Variants in WDTC1 observed in about 807,000 individuals in gnomAD.
WDTC1 encodes WD and tetratricopeptide repeats protein 1.
In WDTC1, 12 loss-of-function variants were observed where a neutral mutation model predicts 76.0. That is an observed-to-expected ratio of 0.16 (90% confidence interval 0.10 to 0.26). The LOEUF (loss-of-function observed/expected upper bound fraction) is 0.26. WDTC1 is among the 10% of genes least tolerant of loss of function. The pLI is 1.00. For synonymous variants in WDTC1, 326 were observed against 350.8 expected, an observed-to-expected ratio of 0.93 and a Z score of 0.79; for missense variants, 511 against 908.8, an observed-to-expected ratio of 0.56 and a Z score of 5.63.
At chr1:27,243,946 T>C (rs2011718425) in intron 1 of WDTC1, among the ~76,000 whole-genome samples, 1 of 115,284 alleles carries the variant, frequency 8.7e-6, no homozygotes, top group Admixed American at 1.0e-4. Flanking sequence ...GGCAGCATGG[T>C]GAAACCCCAT....
chr1:27,266,354 C>T (rs1174041114), intron 3 of WDTC1, among the ~76,000 whole-genome samples: 1 of 152,084 alleles, frequency 6.6e-6, no homozygotes, highest in East Asian at 1.9e-4. Context: ...TTTCCTCTTT[C>T]CTGGTTTGGA....
intron 1 of WDTC1, among the ~76,000 whole-genome samples, chr1:27,251,819 T>C (rs993419485): frequency 6.6e-6 from 1 of 151,890 alleles, no homozygotes; most frequent in Non-Finnish European, 1.5e-5. Flanking sequence ...AGACCCTGTC[T>C]CTATTAAACA....
At chr1:27,257,952 G>A (rs2012337275) in intron 1 of WDTC1, among the ~76,000 whole-genome samples, 1 of 151,958 alleles carries the variant, frequency 6.6e-6, no homozygotes, top group African/African-American at 2.4e-5. Flanking sequence ...CACCACACCT[G>A]GCTAATTTTT....
chr1:27,258,091 CTTGTCTTT>C (rs1181877477), intron 1 of WDTC1, among the ~76,000 whole-genome samples: 79 of 150,314 alleles, frequency 5.3e-4, no homozygotes, highest in Middle Eastern at 3.4e-3. Context: ...CCTGGCGGTT[CTTGTCTTT>C]TAAAGAGCTT....
At chr1:27,267,575 G>A (rs988090072) in intron 3 of WDTC1, among the ~76,000 whole-genome samples, 11 of 151,988 alleles carry the variant, frequency 7.2e-5, no homozygotes, top group African/African-American at 2.4e-4. Context: ...TCCCAGCTAT[G>A]TAATCCAGTT....
chr1:27,253,807 A>C (rs1300520167), intron 1 of WDTC1, among the ~76,000 whole-genome samples: 1 of 152,170 alleles, frequency 6.6e-6, no homozygotes, highest in African/African-American at 2.4e-5. Context: ...CCCTTGATGT[A>C]GTCTTTTCTA....
chr1:27,241,238 A>G (rs56004188), intron 1 of WDTC1, among the ~76,000 whole-genome samples: 3,291 of 152,280 alleles, frequency 0.022, 44 homozygotes, highest in Non-Finnish European at 0.033. Context: ...GGGAGGTATT[A>G]ACCCCATTTT....
chr1:27,303,522 T>C lies in WDTC1; in HGVS notation c.1469-99T>C, dbSNP rs1230380082. On this transcript the variant is annotated intron_variant, in intron 13 of 15. Coordinates refer to ENST00000319394, the MANE Select transcript of WDTC1 (RefSeq NM_001276252.2). The surrounding 1 kb of genome is among the most constrained non-coding windows in gnomAD (Gnocchi z 4.8). ...AAGGGTGGAGGCAGGTAGCTCTATG[T>C]TGTCAGACTTTGGACTGAAAACAGA... is the stretch of plus-strand genomic sequence containing the variant. 9 of 1,433,822 alleles carry C rather than the reference T, an allele frequency of 6.3e-6. No homozygotes were observed. The highest frequency in any genetic ancestry group is 7.4e-6 in the Non-Finnish European group (8 of 1,081,320). 88.8% of individuals were successfully genotyped at this position (1,433,822 alleles called of 1,614,324 possible).
At chr1:27,257,123 A>G (rs1294614929) in intron 1 of WDTC1, among the ~76,000 whole-genome samples, 1 of 152,126 alleles carries the variant, frequency 6.6e-6, no homozygotes, top group African/African-American at 2.4e-5. Flanking sequence ...CGGCCTCCCA[A>G]AGCGCTGGGA....
Position 27,274,998 on chromosome 1 carries a change from A to C in WDTC1, c.133-7241A>C, listed in dbSNP as rs2012981712. The stretch of plus-strand genomic sequence containing the variant: ...GATTTAAAAGATTTATATCAGGCTT[A>C]TCTGGCTGCAGAGTTCATATCCTTT... On this transcript the variant is annotated intron_variant, in intron 3 of 15. Coordinates refer to ENST00000319394, the MANE Select transcript of WDTC1 (RefSeq NM_001276252.2). The surrounding 1 kb of genome is among the most constrained non-coding windows in gnomAD (Gnocchi z 4.2). Among the ~76,000 whole-genome samples, 1 of 152,368 alleles carries C rather than the reference A, an allele frequency of 6.6e-6. No individual in the cohort carries two copies. The highest frequency in any genetic ancestry group is 6.5e-5 in the Admixed American group (1 of 15,300).
At position 27,296,420 on chromosome 1, in the gene WDTC1, T is replaced by C. The variant is rs1320547863; in HGVS notation, c.949+19T>C. 6.2e-7 allele frequency: 1 copy of C among 1,613,448 alleles called. No individual in the cohort carries two copies. The highest frequency in any genetic ancestry group is 1.3e-5 in the African/African-American group (1 of 74,868). The stretch of plus-strand genomic sequence containing the variant: ...TCGGGGGGTAAGTTCTCCCTTAGGG[T>C]ATCTCTACTGCGGCGGTGTAGGGGA... On this transcript the variant is annotated intron_variant, in intron 10 of 15. Transcript: ENST00000319394.
At chr1:27,278,654 T>C (rs1298719575) in intron 3 of WDTC1, among the ~76,000 whole-genome samples, 1 of 152,230 alleles carries the variant, frequency 6.6e-6, no homozygotes, top group Non-Finnish European at 1.5e-5. Flanking sequence ...TCATTCTGTT[T>C]CTTTGGCATT....
Position 27,306,145 on chromosome 1 carries a change from C to G in WDTC1, c.1837-41C>G, listed in dbSNP as rs2013948335. On this transcript the variant is annotated intron_variant, in intron 15 of 15. Transcript: ENST00000319394. The surrounding 1 kb of genome is among the most constrained non-coding windows in gnomAD (Gnocchi z 5.0). ...TATACGTGTACCCTGGTGCCTCTCC[C>G]TCCCTGAGCCCCACGTGTGTCACCC... 3 of 1,611,766 alleles carry G rather than the reference C, an allele frequency of 1.9e-6. No individual in the cohort carries two copies. Among genetic ancestry groups the G allele is most frequent in the Non-Finnish European group, 2.5e-6 (3 of 1,178,592 alleles).
Position 27,234,886 on chromosome 1 carries a change from C to T in WDTC1, c.-165C>T, listed in dbSNP as rs974285574. The T allele has an allele frequency of 5.1e-6, 2 of 388,642 alleles. No homozygotes were observed. The highest frequency in any genetic ancestry group is 7.3e-5 in the East Asian group (2 of 27,404). The allele number at this position is 388,642 out of a possible 1,614,324, so 24.1% of individuals were successfully genotyped here. On this transcript the variant is annotated 5_prime_UTR_variant, in exon 1 of 16. Transcript: ENST00000319394. ...GCCCCCCTTCCCGGGAGAGGGGCCGCCCCCCCCGGACGGACATGGGCTCCT... is the reference window on the plus strand; with the variant it reads ...GCCCCCCTTCCCGGGAGAGGGGCCGTCCCCCCCGGACGGACATGGGCTCCT...
chr1:27,275,633 ATAAAG>A (rs2013002069), intron 3 of WDTC1, among the ~76,000 whole-genome samples: 1 of 151,726 alleles, frequency 6.6e-6, no homozygotes, highest in African/African-American at 2.4e-5. Context: ...AAAAAAAAAA[ATAAAG>A]AAAAAGATGG....
rs1432391949 is a variant in WDTC1 at position 27,308,052 on chromosome 1, TCCTCCCTGCCTCCCACCCTC to T, written c.*1680_*1699del. 6.6e-6 allele frequency: 1 copy of T among 152,008 alleles called. No individual in the cohort carries two copies. The highest frequency in any genetic ancestry group is 2.0e-4 in the East Asian group (1 of 5,096). 9.4% of individuals were successfully genotyped at this position (152,008 alleles called of 1,614,324 possible). ...TCTTGTGTTCCAGCCACCTGCCATT[TCCTCCCTGCCTCCCACCCTC>T]CCTCCCTGCCCCCTGTCCTGCTTCC... is the stretch of plus-strand genomic sequence containing the variant. On this transcript the variant is annotated 3_prime_UTR_variant, in exon 16 of 16. Coordinates refer to ENST00000319394, the MANE Select transcript of WDTC1 (RefSeq NM_001276252.2).
rs577309677 is a variant in WDTC1 at position 27,275,642 on chromosome 1, A to G, written c.133-6597A>G. On this transcript the variant is annotated intron_variant, in intron 3 of 15. Coordinates refer to ENST00000319394, the MANE Select transcript of WDTC1 (RefSeq NM_001276252.2). Reference sequence around the variant, plus strand: ...CAAAAAAAAAAAAAAAATAAAGAAAAAGATGGAGCGGGGATCTGACTTTGT... The same window carrying G: ...CAAAAAAAAAAAAAAAATAAAGAAAGAGATGGAGCGGGGATCTGACTTTGT... Among the ~76,000 whole-genome samples the G allele has an allele frequency of 4.6e-5, 7 of 152,002 alleles. No individual in the cohort carries two copies. In the South Asian group the frequency reaches 1.5e-3, roughly 32 times the overall value.
intron 1 of WDTC1, among the ~76,000 whole-genome samples, chr1:27,250,592 TGA>T (rs2147914838): frequency 6.6e-6 from 1 of 152,308 alleles, no homozygotes; most frequent in African/African-American, 2.4e-5. Flanking sequence ...ATTGGTACAC[TGA>T]GGGGGAAGCT....
Position 27,292,391 on chromosome 1 carries a change from A to G in WDTC1, c.656A>G (p.Asn219Ser), listed in dbSNP as rs752817122. The G allele has an allele frequency of 6.3e-7, 1 of 1,597,822 alleles. No individual in the cohort carries two copies. The highest frequency in any genetic ancestry group is 8.5e-7 in the Non-Finnish European group (1 of 1,171,374). Residue 219 changes from asparagine to serine, a missense_variant, in exon 7 of 16, where the codon AAC (asparagine) becomes AGC (serine). Asn to Ser is a conservative substitution (Grantham distance 46). Coordinates refer to ENST00000319394, the MANE Select transcript of WDTC1 (RefSeq NM_001276252.2). The stretch of plus-strand genomic sequence containing the variant: ...CTCTATGACATCCGCATGATCCATA[A>G]CCACAGGTATGAATAGTTCAGCCTC... The part of the protein sequence containing the change: ...VRLYDIRMIH[N>S]HRKSMKQSPS...
Sources: allele counts gnomAD v4.1 joint callset (sites outside exome capture counted in the v4.1 genomes callset), GRCh38; gene constraint gnomAD v4.1.1; non-coding constraint Gnocchi (gnomAD v3.1); transcripts MANE v1.5; gene names NCBI Gene and HGNC (gene_info 2026-07-23, HGNC 2026-07-21).